The following PLCB1 variants were observed in gnomAD, a reference collection of about 807,000 sequenced individuals.
The protein encoded by PLCB1 is phospholipase C beta 1.
Under a neutral mutation model 161.8 loss-of-function variants are expected in PLCB1, and 46 were observed. The ratio of observed to expected loss-of-function variants is 0.28; its 90% CI spans 0.22 to 0.36. The LOEUF (loss-of-function observed/expected upper bound fraction) is 0.36. Ranked by LOEUF, PLCB1 falls within the 10% of genes least tolerant of loss-of-function variation. The pLI, the probability that PLCB1 is intolerant of heterozygous loss-of-function variation, is 1.00. For missense variants in PLCB1, 1,016 were observed against 1,472.5 expected (o/e 0.69, Z 5.07); for synonymous variants, 517 against 503.7 (o/e 1.03, Z -0.35).
intron 2 of PLCB1, among the ~76,000 whole-genome samples, chr20:8,299,787 C>T (rs560682713): frequency 9.8e-5 from 15 of 152,312 alleles, no homozygotes; most frequent in African/African-American, 1.4e-4. Context: ...ATCACCACCA[C>T]GTCCTGTTGA....
At chr20:8,528,432 C>A (rs2122907116) in intron 3 of PLCB1, among the ~76,000 whole-genome samples, 1 of 152,118 alleles carries the variant, frequency 6.6e-6, no homozygotes, top group Non-Finnish European at 1.5e-5. Context: ...TTATTCCATT[C>A]ATAACAGGTT....
chr20:8,651,548 G>A (rs1989321934), intron 7 of PLCB1: 1 of 714,218 alleles, frequency 1.4e-6, no homozygotes, highest in African/African-American at 1.8e-5. Flanking sequence ...TAGATGCTTT[G>A]GAATAGGAAA....
At chr20:8,471,458 C>G (rs1375715759) in intron 3 of PLCB1, among the ~76,000 whole-genome samples, 1 of 152,116 alleles carries the variant, frequency 6.6e-6, no homozygotes, top group African/African-American at 2.4e-5. Context: ...ATTGTGACAA[C>G]TGGACAGGTA....
intron 31 of PLCB1, among the ~76,000 whole-genome samples, chr20:8,880,255 A>G (rs1028280217): frequency 1.3e-5 from 2 of 152,124 alleles, no homozygotes; most frequent in African/African-American, 4.8e-5. Flanking sequence ...TTAAAATTCA[A>G]GGTTTTCTCT....
chr20:8,334,209 C>CA (rs202057583), intron 2 of PLCB1, among the ~76,000 whole-genome samples: 14,144 of 137,082 alleles, frequency 0.1, 862 homozygotes, highest in East Asian at 0.29. Context: ...AACTCCACCT[C>CA]AAAAAAAAAA....
At chr20:8,512,320 G>A (rs1983924008) in intron 3 of PLCB1, among the ~76,000 whole-genome samples, 1 of 151,992 alleles carries the variant, frequency 6.6e-6, no homozygotes, top group South Asian at 2.1e-4. Flanking sequence ...TTTAGGCATA[G>A]GTGCTATATT....
intron 4 of PLCB1, among the ~76,000 whole-genome samples, chr20:8,642,984 C>T (rs1989003331): frequency 6.6e-6 from 1 of 152,174 alleles, no homozygotes; most frequent in African/African-American, 2.4e-5. Flanking sequence ...TTAAAATTAT[C>T]TATTTTAAGG....
intron 3 of PLCB1, among the ~76,000 whole-genome samples, chr20:8,614,584 CTGTGTGTGTGTG>C (rs71331317): frequency 0.27 from 40,150 of 147,160 alleles, 6,196 homozygotes; most frequent in Non-Finnish European, 0.35. Flanking sequence ...ATGTAAAATT[CTGTGTGTGTGTG>C]TGTGTGTGTG....
At chr20:8,529,933 A>G (rs1474810742) in intron 3 of PLCB1, among the ~76,000 whole-genome samples, 1 of 152,098 alleles carries the variant, frequency 6.6e-6, no homozygotes, top group Non-Finnish European at 1.5e-5. Context: ...CTAGCTATGT[A>G]TAATTAGTTA....
chr20:8,499,876 G>A (rs939932005), intron 3 of PLCB1, among the ~76,000 whole-genome samples: 1 of 152,154 alleles, frequency 6.6e-6, no homozygotes, highest in Non-Finnish European at 1.5e-5. Context: ...AGGGAACACT[G>A]ATAAATAAAC....
intron 2 of PLCB1, among the ~76,000 whole-genome samples, chr20:8,266,175 C>A (rs1023297771): frequency 1.3e-5 from 2 of 152,180 alleles, no homozygotes; most frequent in Non-Finnish European, 2.9e-5. Context: ...TTCAGGCTTA[C>A]AACACTTACT....
chr20:8,531,117 G>T (rs866154404), intron 3 of PLCB1, among the ~76,000 whole-genome samples: 56 of 152,166 alleles, frequency 3.7e-4, no homozygotes, highest in African/African-American at 1.3e-3. Flanking sequence ...AATGAATAGG[G>T]TCATGGTCTT....
chr20:8,521,939 C>A (rs2423361), intron 3 of PLCB1, among the ~76,000 whole-genome samples: 54,119 of 152,050 alleles, frequency 0.36, 10,170 homozygotes, highest in Non-Finnish European at 0.41. Flanking sequence ...TTCTTAACAT[C>A]AGATTTTTCC....
At chr20:8,464,721 C>T (rs550115114) in intron 3 of PLCB1, among the ~76,000 whole-genome samples, 2 of 152,260 alleles carry the variant, frequency 1.3e-5, no homozygotes, top group South Asian at 4.1e-4. Context: ...AAGCTCACCA[C>T]CTAGCTCTCA....
intron 3 of PLCB1, among the ~76,000 whole-genome samples, chr20:8,404,192 A>T (rs931198382): frequency 6.6e-6 from 1 of 152,208 alleles, no homozygotes; most frequent in Non-Finnish European, 1.5e-5. Context: ...TTGTGATTTC[A>T]TGGAATAAAT....
chr20:8,629,821 C>CATTCT (rs1568535853), intron 4 of PLCB1, among the ~76,000 whole-genome samples: 2 of 82,770 alleles, frequency 2.4e-5, no homozygotes, highest in East Asian at 6.1e-4. Flanking sequence ...TCTTTCTTTT[C>CATTCT]TTTCTTTCTT....
intron 2 of PLCB1, among the ~76,000 whole-genome samples, chr20:8,279,088 A>C (rs1982747519): frequency 1.3e-5 from 2 of 152,120 alleles, no homozygotes; most frequent in African/African-American, 4.8e-5. Context: ...CTGTGGAAAA[A>C]AGTTTATCCA....
At chr20:8,348,833 A>G (rs1156925958) in intron 2 of PLCB1, among the ~76,000 whole-genome samples, 1 of 152,212 alleles carries the variant, frequency 6.6e-6, no homozygotes, top group Non-Finnish European at 1.5e-5. Flanking sequence ...TCATACTGAA[A>G]CTAGAGCAAT....
chr20:8,828,579 A>G (rs1285888691), intron 31 of PLCB1, among the ~76,000 whole-genome samples: 1 of 152,194 alleles, frequency 6.6e-6, no homozygotes, highest in African/African-American at 2.4e-5. Flanking sequence ...GCTTAAATAC[A>G]TGCAAGAACT....
Sources: gnomAD v4.1 joint callset for allele counts (sites outside exome capture counted in the v4.1 genomes callset) on GRCh38, gnomAD v4.1.1 for gene constraint, MANE v1.5 for transcripts, NCBI Gene and HGNC (gene_info 2026-07-23, HGNC 2026-07-21) for gene names.